The following ELMOD3 variants were observed in gnomAD, a reference collection of about 807,000 sequenced individuals.
The protein encoded by ELMOD3 is ELMO domain-containing protein 3.
ELMOD3 carries 36 observed loss-of-function variants against 47.4 expected under a neutral mutation model. The observed-to-expected ratio is 0.76, with a 90% CI of 0.58 to 1.00. ELMOD3 has a LOEUF of 1.00. Ranked by LOEUF, ELMOD3 falls within the 50% of genes least tolerant of loss-of-function variation. The pLI is 0.00. For synonymous variants in ELMOD3, 149 were observed against 183.5 expected (o/e 0.81, Z 1.52); for missense variants, 404 against 463.8 (o/e 0.87, Z 1.18).
intron 10 of ELMOD3, among the ~76,000 whole-genome samples, chr2:85,373,834 G>A (rs79673627): frequency 5.3e-4 from 68 of 129,050 alleles, no homozygotes; most frequent in East Asian, 3.7e-3. Flanking sequence ...GTAAGACTTC[G>A]TCTCAGAAAA....
chr2:85,363,372 T>C (rs1684123002), intron 6 of ELMOD3, among the ~76,000 whole-genome samples: 1 of 152,256 alleles, frequency 6.6e-6, no homozygotes, highest in African/African-American at 2.4e-5. Context: ...TGGTTTACTG[T>C]GTGCCTCTGG....
At chr2:85,383,965 A>ACAT (rs1685757327) in intron 11 of ELMOD3, among the ~76,000 whole-genome samples, 1 of 152,234 alleles carries the variant, frequency 6.6e-6, no homozygotes, top group Admixed American at 6.5e-5. Context: ...GAGATATGAG[A>ACAT]CATCAATTAA....
At chr2:85,364,825 A>ATTTTTTTTTTTTTTTTTT (rs869054374) in intron 6 of ELMOD3, among the ~76,000 whole-genome samples, 3 of 69,892 alleles carry the variant, frequency 4.3e-5, no homozygotes, top group South Asian at 4.8e-4. Flanking sequence ...ATATATATAT[A>ATTTTTTTTTTTTTTTTTT]TTTTTTTTTT....
At chr2:85,384,811 T>C (rs1685821200) in intron 11 of ELMOD3, among the ~76,000 whole-genome samples, 2 of 152,186 alleles carry the variant, frequency 1.3e-5, no homozygotes, top group Admixed American at 6.5e-5. Flanking sequence ...GCCATCTGTC[T>C]ATCCCATATT....
rs1002998423 is a variant in ELMOD3 at position 85,376,377 on chromosome 2, T to A, written c.608-967T>A. Among the ~76,000 whole-genome samples the A allele has an allele frequency of 3.9e-5, 6 of 152,190 alleles. No homozygotes were observed. The highest frequency in any genetic ancestry group is 8.8e-5 in the Non-Finnish European group (6 of 68,028). ...CAGGGGAAGGAGGGACGTCACCATG[T>A]TACTGCCAGGTGGGGGTGGAAGTCC... On this transcript the variant is annotated intron_variant, in intron 10 of 13. Coordinates refer to ENST00000409013, the MANE Select transcript of ELMOD3 (RefSeq NM_001135022.2). The surrounding 1 kb of genome is among the most constrained non-coding windows in gnomAD (Gnocchi z 4.2).
chr2:85,374,835 G>A (rs934457014), intron 10 of ELMOD3, among the ~76,000 whole-genome samples: 6 of 152,016 alleles, frequency 3.9e-5, no homozygotes, highest in African/African-American at 1.4e-4. Flanking sequence ...TTGCTGGCCG[G>A]GCGCGGTGGC....
intron 7 of ELMOD3, among the ~76,000 whole-genome samples, chr2:85,369,017 G>C (rs943341759): frequency 1.3e-5 from 2 of 152,240 alleles, no homozygotes; most frequent in African/African-American, 4.8e-5. Flanking sequence ...AGAGAAGACA[G>C]GGTTGACCTT....
At chr2:85,364,819 ATATATAT>A (rs1383583292) in intron 6 of ELMOD3, among the ~76,000 whole-genome samples, 5 of 88,482 alleles carry the variant, frequency 5.7e-5, no homozygotes, top group African/African-American at 2.2e-4. Context: ...ATATATATAT[ATATATAT>A]TTTTTTTTTT....
Position 85,362,267 on chromosome 2 carries a change from A to G in ELMOD3, c.129+7A>G. 1 of 1,536,668 alleles carries G rather than the reference A, an allele frequency of 6.5e-7. No individual in the cohort carries two copies. The highest frequency in any genetic ancestry group is 9.0e-7 in the Non-Finnish European group (1 of 1,109,288). ...GGCTTTCAGAGGAATCCCTGTATGT[A>G]TCACCCACAACTTGGTACCTTCTGC... On this transcript the variant is annotated splice_region_variant and intron_variant, in intron 5 of 13. Transcript: ENST00000409013.
chr2:85,370,536 G>A (rs549680171), intron 8 of ELMOD3, among the ~76,000 whole-genome samples: 2 of 152,218 alleles, frequency 1.3e-5, no homozygotes, highest in East Asian at 3.9e-4. Context: ...AGGCTAAAAA[G>A]ATAGGAACCA....
Position 85,386,950 on chromosome 2 carries a change from C to T in ELMOD3, c.739-2801C>T, listed in dbSNP as rs185436014. 2.0e-4 allele frequency: 198 copies of T among 974,886 alleles called. 2 individuals carry two copies. In the Admixed American group the frequency reaches 5.4e-3, roughly 26 times the overall value. 60.4% of individuals were successfully genotyped at this position (974,886 alleles called of 1,614,324 possible). A position where few individuals can be genotyped will look rare whatever the true frequency, so the allele number is the denominator to read the frequency against. ...CCTGGGAGGCAGAGGTTGTGGGAGC[C>T]GAGATCGTGCCATTGCACTCCAGCC... is the stretch of plus-strand genomic sequence containing the variant. On this transcript the variant is annotated intron_variant, in intron 11 of 13. Coordinates refer to ENST00000409013, the MANE Select transcript of ELMOD3 (RefSeq NM_001135022.2).
chr2:85,355,391 G>A (rs954155328), intron 2 of ELMOD3, 164 bp from the exon 3 acceptor site: 9 of 152,196 alleles, frequency 5.9e-5, no homozygotes, highest in African/African-American at 2.2e-4. Flanking sequence ...AGCAGTTGAA[G>A]AATCATACCC....
At chr2:85,386,150 T>A (rs1189979424) in intron 11 of ELMOD3, among the ~76,000 whole-genome samples, 2 of 152,170 alleles carry the variant, frequency 1.3e-5, no homozygotes, top group Admixed American at 1.3e-4. Context: ...TACTCTGGTC[T>A]TCCTGCTTCA....
At chr2:85,380,437 G>A (rs1484973276) in intron 11 of ELMOD3, among the ~76,000 whole-genome samples, 2 of 152,182 alleles carry the variant, frequency 1.3e-5, no homozygotes, top group African/African-American at 4.8e-5. Context: ...GAGTCTGAAA[G>A]TTTTTCCTCT....
intron 10 of ELMOD3, among the ~76,000 whole-genome samples, chr2:85,373,312 T>C (rs1684934177): frequency 6.6e-6 from 1 of 152,192 alleles, no homozygotes; most frequent in South Asian, 2.1e-4. Flanking sequence ...TGGTGGTCTG[T>C]TGGTATGGCA....
intron 10 of ELMOD3, among the ~76,000 whole-genome samples, chr2:85,373,622 C>T (rs568700652): frequency 4.6e-5 from 7 of 152,064 alleles, no homozygotes; most frequent in South Asian, 4.2e-4. Flanking sequence ...GGGAGGATCA[C>T]GAGGTCAGGA....
chr2:85,364,825 A>ATATATATATATTT (rs375582916), intron 6 of ELMOD3, among the ~76,000 whole-genome samples: 3 of 69,892 alleles, frequency 4.3e-5, no homozygotes, highest in Admixed American at 1.9e-4. Context: ...ATATATATAT[A>ATATATATATATTT]TTTTTTTTTT....
intron 8 of ELMOD3, among the ~76,000 whole-genome samples, chr2:85,370,787 G>A (rs1482698170): frequency 6.6e-6 from 1 of 152,190 alleles, no homozygotes; most frequent in East Asian, 1.9e-4. Flanking sequence ...AACCCCTGTG[G>A]GAGTCAGTGG....
At chr2:85,378,359 C>G (rs375238131) in intron 11 of ELMOD3, among the ~76,000 whole-genome samples, 1 of 152,298 alleles carries the variant, frequency 6.6e-6, no homozygotes, top group South Asian at 2.1e-4. Context: ...AGAACACATG[C>G]CCGTGACACA....
Sources: gnomAD v4.1 joint callset for allele counts (sites outside exome capture counted in the v4.1 genomes callset) on GRCh38, gnomAD v4.1.1 for gene constraint, Gnocchi (gnomAD v3.1) non-coding constraint, MANE v1.5 for transcripts, NCBI Gene and HGNC (gene_info 2026-07-23, HGNC 2026-07-21) for gene names.